Variants in POLN observed in about 807,000 individuals in gnomAD.
POLN encodes DNA polymerase nu, also known as DNA polymerase N.
In POLN, 108 loss-of-function variants were observed where a neutral mutation model predicts 113.5. The observed-to-expected ratio is 0.95, with a 90% confidence interval of 0.81 to 1.12. The LOEUF (loss-of-function observed/expected upper bound fraction) is 1.12. POLN is among the 50% of genes most tolerant of loss of function. The pLI is 0.00. For missense variants in POLN, 1,097 were observed against 1,077.1 expected (o/e 1.02, Z -0.26); for synonymous variants, 386 against 391.5 (o/e 0.99, Z 0.17).
intron 7 of POLN, among the ~76,000 whole-genome samples, chr4:2,185,809 C>A (rs1733259310): frequency 6.6e-6 from 1 of 151,974 alleles, no homozygotes; most frequent in Admixed American, 6.6e-5. Context: ...TTAAAACAAA[C>A]TGTAAAAAAA....
At chr4:2,233,036 ATACGC>A (rs992990387) in intron 2 of POLN, among the ~76,000 whole-genome samples, 4 of 152,176 alleles carry the variant, frequency 2.6e-5, no homozygotes, top group African/African-American at 9.7e-5. Flanking sequence ...CTGCGTTTTG[ATACGC>A]TCCCTGATGA....
intron 7 of POLN, among the ~76,000 whole-genome samples, chr4:2,185,439 A>G (rs1733246373): frequency 6.6e-6 from 1 of 152,250 alleles, no homozygotes; most frequent in African/African-American, 2.4e-5. Context: ...AGATGAAAAG[A>G]GGCTTAACAA....
chr4:2,098,786 A>G (rs1168154239), intron 19 of POLN, among the ~76,000 whole-genome samples: 1 of 152,228 alleles, frequency 6.6e-6, no homozygotes. Context: ...ATTCTCCAGT[A>G]AAAAATGGGG....
chr4:2,104,924 C>T (rs1310149685), intron 19 of POLN, among the ~76,000 whole-genome samples: 1 of 152,224 alleles, frequency 6.6e-6, no homozygotes, highest in African/African-American at 2.4e-5. Flanking sequence ...ATCAGACTGG[C>T]TCCCTTCAGA....
At chr4:2,205,829 T>G (rs2108762907) in intron 5 of POLN, among the ~76,000 whole-genome samples, 1 of 150,346 alleles carries the variant, frequency 6.7e-6, no homozygotes, top group Admixed American at 6.7e-5. Flanking sequence ...GAGCTGAGAT[T>G]GTGCCACTGC....
At chr4:2,099,903 A>G (rs564978247) in intron 19 of POLN, among the ~76,000 whole-genome samples, 37 of 152,176 alleles carry the variant, frequency 2.4e-4, no homozygotes, top group African/African-American at 8.9e-4. Context: ...CCTTGTCTCT[A>G]CTAAAAATAC....
chr4:2,085,146 A>G (rs528152766), intron 21 of POLN, among the ~76,000 whole-genome samples: 1 of 152,252 alleles, frequency 6.6e-6, no homozygotes, highest in Admixed American at 6.5e-5. Context: ...TCAACTTCCA[A>G]ATAGGTAGGT....
intron 20 of POLN, among the ~76,000 whole-genome samples, chr4:2,091,173 T>A (rs1223084152): frequency 6.6e-6 from 1 of 152,194 alleles, no homozygotes; most frequent in South Asian, 2.1e-4. Context: ...TTTTCCACAG[T>A]TTATAGTTGA....
At chr4:2,190,677 A>G (rs963446976) in intron 7 of POLN, among the ~76,000 whole-genome samples, 15 of 152,226 alleles carry the variant, frequency 9.9e-5, no homozygotes, top group African/African-American at 3.1e-4. Context: ...AAACAGCTCA[A>G]TAGGGGGAAA....
intron 7 of POLN, among the ~76,000 whole-genome samples, chr4:2,191,744 T>C (rs1013076569): frequency 6.6e-5 from 10 of 152,164 alleles, no homozygotes; most frequent in Non-Finnish European, 1.3e-4. Flanking sequence ...AGTCATACAA[T>C]TGAAATATTT....
Position 2,131,945 on chromosome 4 carries a change from C to A in POLN, c.1732-655G>T, listed in dbSNP as rs532012368. On this transcript the variant is annotated intron_variant, in intron 16 of 25. Transcript: ENST00000511885. ...CTTGGCAGTACCTTGGACAATAATACCCTGCTTTGTCTGGGAATAGAACTC... is the reference window on the plus strand; with the variant it reads ...CTTGGCAGTACCTTGGACAATAATAACCTGCTTTGTCTGGGAATAGAACTC... Among the ~76,000 whole-genome samples, 400 of 152,262 alleles carry A rather than the reference C, an allele frequency of 2.6e-3. 2 individuals are homozygous for A. The highest frequency in any genetic ancestry group is 4.6e-3 in the South Asian group (22 of 4,824).
In POLN at chr4:2,175,444, T is replaced by C. The variant is rs573941078; in HGVS notation, c.1249-693A>G. Among the ~76,000 whole-genome samples the C allele has an allele frequency of 3.9e-5, 6 of 152,350 alleles. No individual in the cohort carries two copies. The East Asian group carries it at 1.2e-3, about 29-fold the overall frequency. ...TTAGTCTACCATTTTAATTTCAGAA[T>C]AGGCTTACTGAATTCCCAAAATTTA... On this transcript the variant is annotated intron_variant, in intron 9 of 25. Transcript: ENST00000511885.
intron 2 of POLN, among the ~76,000 whole-genome samples, chr4:2,236,629 C>T (rs1271941010): frequency 1.3e-5 from 2 of 151,880 alleles, no homozygotes; most frequent in African/African-American, 2.4e-5. Flanking sequence ...GAGGCCAAGG[C>T]GGGCAGATTG....
chr4:2,241,379 C>T (rs954448233), intron 2 of POLN, 141 bp downstream of exon 2: 3 of 454,192 alleles, frequency 6.6e-6, no homozygotes, highest in African/African-American at 6.4e-5. Context: ...TATAGAGCAG[C>T]ATTTGTTTTT....
intron 21 of POLN, among the ~76,000 whole-genome samples, chr4:2,083,173 C>A (rs1341735858): frequency 1.3e-5 from 2 of 152,186 alleles, no homozygotes; most frequent in East Asian, 3.9e-4. Context: ...AAAACAGACA[C>A]AAGGGGGAAC....
intron 5 of POLN, among the ~76,000 whole-genome samples, chr4:2,204,857 A>C (rs1229270294): frequency 6.6e-6 from 1 of 152,238 alleles, no homozygotes; most frequent in East Asian, 1.9e-4. Context: ...TCACCTCAAT[A>C]GATACAGAAA....
chr4:2,086,298 G>A (rs1730548253), intron 20 of POLN, among the ~76,000 whole-genome samples: 1 of 152,094 alleles, frequency 6.6e-6, no homozygotes. Flanking sequence ...AACAAAGTAA[G>A]GCCTAGTTTC....
intron 19 of POLN, among the ~76,000 whole-genome samples, chr4:2,111,024 T>C (rs1201335560): frequency 2.0e-5 from 3 of 152,000 alleles, no homozygotes; most frequent in Non-Finnish European, 2.9e-5. Flanking sequence ...CAGCAACACA[T>C]CAAAAAGCTT....
At chr4:2,196,957 C>T (rs35558283) in intron 6 of POLN, among the ~76,000 whole-genome samples, 6,073 of 152,214 alleles carry the variant, frequency 0.04, 166 homozygotes, top group Middle Eastern at 0.051. Flanking sequence ...TGGTCAGGAA[C>T]GGCAAGGAGG....
Sources: allele counts gnomAD v4.1 joint callset (sites outside exome capture counted in the v4.1 genomes callset), GRCh38; gene constraint gnomAD v4.1.1; transcripts MANE v1.5; gene names NCBI Gene and HGNC (gene_info 2026-07-23, HGNC 2026-07-21).